Variants in C12orf57 observed in about 807,000 individuals in gnomAD.
The protein encoded by C12orf57 is chromosome 12 open reading frame 57, also known as protein C10.
C12orf57 carries 14 observed loss-of-function variants against 11.3 expected under a neutral mutation model. The observed-to-expected ratio is 1.24, with a 90% CI of 0.82 to 1.94. The LOEUF (loss-of-function observed/expected upper bound fraction) is 1.94. Among genes scored for constraint, C12orf57 ranks in the 30% most tolerant of loss-of-function variants. C12orf57 has a pLI of 0.00. For synonymous variants in C12orf57, 100 were observed against 74.6 expected, an observed-to-expected ratio of 1.34 and a Z score of -1.76; for missense variants, 229 against 172.4, an observed-to-expected ratio of 1.33 and a Z score of -1.84.
Position 6,944,665 on chromosome 12 carries a change from C to A in C12orf57, c.229+13C>A. ...TGCGACGGGGAAGGTGGGTCAGACG[C>A]GGGAAGGCGGGTCAGACGCGGGAAG... On this transcript the variant is annotated intron_variant, in intron 2 of 2. Coordinates refer to ENST00000229281, the MANE Select transcript of C12orf57 (RefSeq NM_138425.4). The A allele has an allele frequency of 6.4e-7, 1 of 1,562,268 alleles. No individual in the cohort carries two copies.
rs375558430 is a variant in C12orf57, at chr12:6,944,210, C to T, written c.52+37C>T. 47 of 1,565,670 alleles carry T rather than the reference C, an allele frequency of 3.0e-5. No homozygotes were observed. In the African/African-American group the frequency reaches 5.4e-4, roughly 18 times the overall value. ...CCTAGTCAAGGCATAGGCTGCTGGC[C>T]TGGGGTAGTCAAGGCATGGGCTGCT... On this transcript the variant is annotated intron_variant, in intron 1 of 2. Transcript: ENST00000229281.
rs782432055 is a variant in C12orf57, at chr12:6,944,534, C to T, written c.111C>T (p.Asp37=). 28 of 1,613,870 alleles carry T rather than the reference C, an allele frequency of 1.7e-5. No homozygotes were observed. The South Asian group carries it at 2.6e-4, about 15-fold the overall frequency. The change falls in exon 2 of 3, where the codon GAC becomes GAT. Residue 37 remains aspartate, a synonymous_variant. Coordinates refer to ENST00000229281, the MANE Select transcript of C12orf57 (RefSeq NM_138425.4). ...FSAPENAVRM[D]EARDNACNDM... ...CCCCGGAGAATGCAGTGCGCATGGA[C>T]GAGGCTCGGGATAACGCCTGCAACG...
upstream of C12orf57, chr12:6,944,010 C>T (rs780070025): frequency 2.4e-5 from 39 of 1,601,720 alleles, 1 homozygote; most frequent in Admixed American, 1.2e-4. Context: ...CCGGCTGCGC[C>T]GGATGCTGTT....
chr12:6,945,653 T>C, intron 2 of C12orf57, 118 bp from the exon 3 acceptor site: 2 of 1,099,952 alleles, frequency 1.8e-6, no homozygotes, highest in Non-Finnish European at 2.7e-6. Context: ...GCGTCCTGTT[T>C]GGCAAACAGC....
rs1315492454 is a variant in C12orf57, at chr12:6,944,166, A to G, written c.45A>G (p.Gln15=). ...AACCGGCGGCCTTGAGCGCTGAGCA[A>G]GCAAAGGGTGAGAATCGTCCTAGTC... ...STQPAALSAE[Q]AKVVLAEVIQ... Residue 15 remains glutamine, a synonymous_variant, in exon 1 of 3, where the codon CAA becomes CAG. Coordinates refer to ENST00000229281, the MANE Select transcript of C12orf57 (RefSeq NM_138425.4). 4 of 1,614,078 alleles carry G rather than the reference A, an allele frequency of 2.5e-6. No individual in the cohort carries two copies. In the African/African-American group the frequency reaches 4.0e-5, roughly 16 times the overall value.
Position 6,945,937 on chromosome 12 carries a change from T to A in C12orf57, c.*15T>A. On this transcript the variant is annotated 3_prime_UTR_variant, in exon 3 of 3. Transcript: ENST00000229281. ...CCGCCTCCTGAGAGTTGGCCCTCCC[T>A]TGTGCCACTGCCAGGGGAGGAAAGG... 6.2e-7 allele frequency: 1 copy of A among 1,606,670 alleles called. No homozygotes were observed.
chr12:6,943,434 G>A (rs997462596), upstream of C12orf57: 4 of 1,080,710 alleles, frequency 3.7e-6, no homozygotes, highest in Admixed American at 3.2e-5. Context: ...AAGCCTGGAA[G>A]GGAAGGGAAA....
chr12:6,943,816 CA>C, upstream of C12orf57: 1 of 833,588 alleles, frequency 1.2e-6, no homozygotes, highest in Non-Finnish European at 1.7e-6. Context: ...ACATACGCAG[CA>C]GTGTTACAGC....
intron 1 of C12orf57, 34 bp from the exon 2 acceptor site, chr12:6,944,442 C>T (rs782546453): frequency 1.9e-6 from 3 of 1,602,062 alleles, no homozygotes; most frequent in South Asian, 2.2e-5. Context: ...GACGCCTACC[C>T]GGGACGCCTC....
chr12:6,944,013 A>T (rs782813862), upstream of C12orf57: 13 of 1,601,290 alleles, frequency 8.1e-6, no homozygotes, highest in Admixed American at 3.4e-5. Flanking sequence ...GCTGCGCCGG[A>T]TGCTGTTTCC....
upstream of C12orf57, chr12:6,943,939 T>TA (rs1945704082): frequency 2.1e-6 from 3 of 1,411,640 alleles, no homozygotes; most frequent in Non-Finnish European, 2.8e-6. Flanking sequence ...TGGGTAGTTT[T>TA]GGTGGTCTTG....
Position 6,945,979 on chromosome 12 carries a change from A to G in C12orf57, c.*57A>G. ...GAGGAAAGGCCTTGATGTTCCAGAC[A>G]ATAATAAATGCGCCTGTGACTTAGC... On this transcript the variant is annotated 3_prime_UTR_variant, in exon 3 of 3. Coordinates refer to ENST00000229281, the MANE Select transcript of C12orf57 (RefSeq NM_138425.4). 6.4e-7 allele frequency: 1 copy of G among 1,560,766 alleles called. No individual in the cohort carries two copies. The highest frequency in any genetic ancestry group is 8.7e-7 in the Non-Finnish European group (1 of 1,155,422).
At chr12:6,944,792 G>A in intron 2 of C12orf57, 140 bp downstream of exon 2, 1 of 1,509,686 alleles carries the variant, frequency 6.6e-7, no homozygotes, top group Non-Finnish European at 8.9e-7. Context: ...AACATTCTTG[G>A]CACTCAGAGC....
intron 2 of C12orf57, among the ~76,000 whole-genome samples, chr12:6,945,291 G>A (rs1334642143): frequency 6.6e-6 from 1 of 152,172 alleles, no homozygotes; most frequent in African/African-American, 2.4e-5. Flanking sequence ...ATGCTGTTGT[G>A]CCACCTTTTA....
chr12:6,945,650 G>C (rs958550731), intron 2 of C12orf57, 121 bp from the exon 3 acceptor site: 1 of 1,071,728 alleles, frequency 9.3e-7, no homozygotes, highest in Non-Finnish European at 1.4e-6. Context: ...CATGCGTCCT[G>C]TTTGGCAAAC....
chr12:6,944,051 G>C lies in C12orf57; in HGVS notation c.-71G>C. 1 of 1,612,488 alleles carries C rather than the reference G, an allele frequency of 6.2e-7. No homozygotes were observed. Among genetic ancestry groups the C allele is most frequent in the South Asian group, 1.1e-5 (1 of 91,044 alleles). ...TCCGCTCCCAGGGGCGTTGGGAACGGTTGTAGGACGTGGCTCTTTATTCGT... is the reference window on the plus strand; with the variant it reads ...TCCGCTCCCAGGGGCGTTGGGAACGCTTGTAGGACGTGGCTCTTTATTCGT... On this transcript the variant is annotated 5_prime_UTR_variant, in exon 1 of 3. Transcript: ENST00000229281.
intron 2 of C12orf57, chr12:6,944,916 G>C (rs1945762038): frequency 7.4e-7 from 1 of 1,355,138 alleles, no homozygotes; most frequent in Non-Finnish European, 9.6e-7. Flanking sequence ...TCAGATTTCG[G>C]AATATTTACA....
At chr12:6,943,880 T>G (rs768926756), upstream of C12orf57, 6 of 1,008,648 alleles carry the variant, frequency 5.9e-6, no homozygotes, top group African/African-American at 1.7e-5. Context: ...AAAGCCCCTC[T>G]TATGATGTTT....
upstream of C12orf57, chr12:6,943,905 A>ATTGTT: frequency 8.7e-7 from 1 of 1,155,194 alleles, no homozygotes; most frequent in Non-Finnish European, 1.2e-6. Context: ...CCAATGATAG[A>ATTGTT]TTGTTTTCAC....
Sources: gnomAD v4.1 joint callset for allele counts (sites outside exome capture counted in the v4.1 genomes callset) on GRCh38, gnomAD v4.1.1 for gene constraint, MANE v1.5 for transcripts, NCBI Gene and HGNC (gene_info 2026-07-23, HGNC 2026-07-21) for gene names.